TMEM120B: variants seen among roughly 807,000 people sequenced by gnomAD.
The protein encoded by TMEM120B is transmembrane protein 120B.
TMEM120B carries 31 observed loss-of-function variants against 55.5 expected under a neutral mutation model. The ratio of observed to expected loss-of-function variants is 0.56; its 90% CI spans 0.42 to 0.75. The LOEUF is 0.75. Among genes scored for constraint, TMEM120B ranks in the 30% least tolerant of loss-of-function variants. The probability of loss-of-function intolerance (pLI) is 0.00; values close to 1 mark genes in which losing one functional copy is unlikely to be tolerated. For synonymous variants in TMEM120B, 203 were observed against 176.3 expected (o/e 1.15, Z -1.20); for missense variants, 399 against 425.5 (o/e 0.94, Z 0.55).
chr12:121,713,106 T>C (rs1894630400), intron 1 of TMEM120B, 142 bp downstream of exon 1: 1 of 604,952 alleles, frequency 1.7e-6, no homozygotes. Context: ...ACGGGAGGCA[T>C]GGACCAGCCC....
At chr12:121,738,293 T>G (rs933345368) in intron 1 of TMEM120B, among the ~76,000 whole-genome samples, 29 of 152,078 alleles carry the variant, frequency 1.9e-4, no homozygotes, top group Non-Finnish European at 3.7e-4. Flanking sequence ...AGCTGTGGTG[T>G]TTTAATTTTT....
intron 5 of TMEM120B, among the ~76,000 whole-genome samples, chr12:121,753,432 G>A (rs1873388832): frequency 6.6e-6 from 1 of 152,058 alleles, no homozygotes; most frequent in Non-Finnish European, 1.5e-5. Context: ...TTAGCCAGGC[G>A]TGGTGGTGGG....
chr12:121,744,687 C>G (rs916886908), intron 2 of TMEM120B, among the ~76,000 whole-genome samples: 8 of 152,304 alleles, frequency 5.3e-5, no homozygotes, highest in African/African-American at 1.7e-4. Flanking sequence ...ATGCCGTGAC[C>G]CCATTGTCAG....
chr12:121,718,922 T>G (rs915076402), intron 1 of TMEM120B, among the ~76,000 whole-genome samples: 1 of 152,148 alleles, frequency 6.6e-6, no homozygotes, highest in Non-Finnish European at 1.5e-5. Flanking sequence ...TGTGTCAGCA[T>G]TATTCTCAGG....
chr12:121,723,360 G>T (rs1164648729), intron 1 of TMEM120B, among the ~76,000 whole-genome samples: 1 of 151,958 alleles, frequency 6.6e-6, no homozygotes, highest in Non-Finnish European at 1.5e-5. Context: ...CAGAGACAGG[G>T]TCTTGCTGTG....
chr12:121,721,786 T>C (rs1282396899), intron 1 of TMEM120B, among the ~76,000 whole-genome samples: 4 of 145,204 alleles, frequency 2.8e-5, no homozygotes, highest in African/African-American at 1.0e-4. Flanking sequence ...CCTTTTTTTT[T>C]GAATGGAATC....
rs1207091296 is a variant in TMEM120B, at chr12:121,761,600, G to A, written c.462-49G>A. On this transcript the variant is annotated intron_variant, in intron 5 of 11. Transcript: ENST00000449592. ...TGTGAGGTGAGGGTGGGATGGCTGT[G>A]CCTGGTTCTCACGCCCGCACCCCTC... is the stretch of plus-strand genomic sequence containing the variant. The A allele has an allele frequency of 3.5e-6, 5 of 1,443,032 alleles. No homozygotes were observed. The Admixed American group carries it at 6.7e-5, about 19-fold the overall frequency. 89.4% of individuals were successfully genotyped at this position (1,443,032 alleles called of 1,614,324 possible).
chr12:121,772,438 CTTT>C (rs113833541), intron 8 of TMEM120B, among the ~76,000 whole-genome samples: 4 of 128,482 alleles, frequency 3.1e-5, no homozygotes, highest in Non-Finnish European at 3.2e-5. Context: ...CCGTTTCTTT[CTTT>C]TTTTTTTTTT....
At chr12:121,768,484 C>T (rs561656502) in intron 6 of TMEM120B, among the ~76,000 whole-genome samples, 4 of 152,166 alleles carry the variant, frequency 2.6e-5, no homozygotes, top group African/African-American at 4.8e-5. Context: ...CTCGTTCTTA[C>T]GATGTGCGTA....
chr12:121,732,132 A>G (rs942537155), intron 1 of TMEM120B, among the ~76,000 whole-genome samples: 7 of 152,180 alleles, frequency 4.6e-5, no homozygotes, highest in African/African-American at 7.2e-5. Context: ...GCAAGACTCC[A>G]TCTCAAAAGG....
At chr12:121,743,564 AAAG>A (rs1290995574) in intron 1 of TMEM120B, 62 bp from the exon 2 acceptor site, 1 of 1,324,074 alleles carries the variant, frequency 7.6e-7, no homozygotes, top group Non-Finnish European at 1.1e-6. Context: ...TCAAAAAAAA[AAAG>A]AAAAGAAAAT....
intron 5 of TMEM120B, chr12:121,758,022 G>GT (rs1359727197): frequency 2.0e-4 from 58 of 289,262 alleles, no homozygotes; most frequent in Non-Finnish European, 2.9e-4. Context: ...AGGAGTCTGA[G>GT]GTGAGAGGAT....
chr12:121,757,675 C>T (rs1185165956), intron 5 of TMEM120B, among the ~76,000 whole-genome samples: 1 of 152,198 alleles, frequency 6.6e-6, no homozygotes, highest in Non-Finnish European at 1.5e-5. Context: ...CGCCACCATG[C>T]CCGGCTACTT....
intron 1 of TMEM120B, among the ~76,000 whole-genome samples, chr12:121,732,494 T>C (rs1165433490): frequency 1.3e-5 from 2 of 151,984 alleles, no homozygotes; most frequent in Non-Finnish European, 2.9e-5. Context: ...GGGGACAAAA[T>C]TATGGGAAGG....
intron 1 of TMEM120B, among the ~76,000 whole-genome samples, chr12:121,720,363 G>C (rs1894771550): frequency 6.6e-6 from 1 of 152,138 alleles, no homozygotes; most frequent in African/African-American, 2.4e-5. Context: ...TCCTGGTTAA[G>C]TATAGTCAGC....
chr12:121,780,002 T>G lies in TMEM120B; in HGVS notation c.*4280T>G, dbSNP rs1477179658. On this transcript the variant is annotated 3_prime_UTR_variant, in exon 12 of 12. Transcript: ENST00000449592. The stretch of plus-strand genomic sequence containing the variant: ...TGGAGGCCTCAAGACAGAAAGGACT[T>G]CCAGCCACCTCTCTCCCTTCTCTGA... 1 of 243,446 alleles carries G rather than the reference T, an allele frequency of 4.1e-6. No individual in the cohort carries two copies. Among genetic ancestry groups the G allele is most frequent in the Non-Finnish European group, 8.1e-6 (1 of 124,130 alleles). 15.1% of individuals were successfully genotyped at this position (243,446 alleles called of 1,614,324 possible).
chr12:121,737,481 G>T (rs1376035391), intron 1 of TMEM120B, among the ~76,000 whole-genome samples: 1 of 151,950 alleles, frequency 6.6e-6, no homozygotes, highest in Non-Finnish European at 1.5e-5. Flanking sequence ...CTCCAGCGTG[G>T]GTGACAGAGC....
intron 10 of TMEM120B, 142 bp from the exon 11 acceptor site, chr12:121,774,920 T>A: frequency 1.8e-6 from 2 of 1,110,846 alleles, no homozygotes; most frequent in Admixed American, 2.0e-5. Context: ...CTCGGGTGCC[T>A]GCATTTCATT....
Position 121,748,360 on chromosome 12 carries a change from C to T in TMEM120B, c.223C>T (p.Leu75Phe). 1 of 1,611,134 alleles carries T rather than the reference C, an allele frequency of 6.2e-7. No homozygotes were observed. Among genetic ancestry groups the T allele is most frequent in the African/African-American group, 1.3e-5 (1 of 74,870 alleles). ...CCATGCCAGTCGGGAGGAGGCGGAG[C>T]TCGTTCAGCAGATGGCAGCGAACAT... ...KRHASREEAE[L>F]VQQMAANIKE... Residue 75 changes from leucine to phenylalanine, a missense_variant, in exon 3 of 12, where the codon CTC (leucine) becomes TTC (phenylalanine). By Grantham distance (22) the Leu-to-Phe change is conservative. Coordinates refer to ENST00000449592, the MANE Select transcript of TMEM120B (RefSeq NM_001080825.2).
Sources: gnomAD v4.1 joint callset for allele counts (sites outside exome capture counted in the v4.1 genomes callset) on GRCh38, gnomAD v4.1.1 for gene constraint, MANE v1.5 for transcripts, NCBI Gene and HGNC (gene_info 2026-07-23, HGNC 2026-07-21) for gene names.